The following STK31 variants were observed in gnomAD, a reference collection of about 807,000 sequenced individuals.
STK31 encodes the protein serine/threonine kinase 31.
In STK31, 89 loss-of-function variants were observed where a neutral mutation model predicts 129.7. The observed-to-expected ratio is 0.69, with a 90% confidence interval of 0.58 to 0.82. The LOEUF is 0.82. STK31 is among the 40% of genes least tolerant of loss of function. STK31 has a pLI of 0.00. For synonymous variants in STK31, 448 were observed against 395.3 expected, an observed-to-expected ratio of 1.13 and a Z score of -1.58; for missense variants, 1,187 against 1,176.4, an observed-to-expected ratio of 1.01 and a Z score of -0.13.
At chr7:23,762,657 G>T in intron 10 of STK31, 144 bp from the exon 11 acceptor site, 1 of 809,276 alleles carries the variant, frequency 1.2e-6, no homozygotes, top group Non-Finnish European at 1.8e-6. Context: ...TTGTCATTTT[G>T]TTGATCTAAG....
At chr7:23,723,482 T>C (rs1786852281) in intron 4 of STK31, among the ~76,000 whole-genome samples, 1 of 152,188 alleles carries the variant, frequency 6.6e-6, no homozygotes, top group African/African-American at 2.4e-5. Context: ...AATATTGTTA[T>C]AAATTAAGAC....
Position 23,754,315 on chromosome 7 carries a change from G to T in STK31, c.1134G>T (p.Arg378Ser), listed in dbSNP as rs752895588. ...TTCTTTTTGATGTTTTTAAAAATAGGCATGTCGACATCAGTGTCCGTTTCG... is the reference window on the plus strand; with the variant it reads ...TTCTTTTTGATGTTTTTAAAAATAGTCATGTCGACATCAGTGTCCGTTTCG... ...AAKMEILKEMRHVDISVRFGK... is the reference protein window; with the variant it reads ...AAKMEILKEMSHVDISVRFGK... The change falls in exon 10 of 24, where the codon AGG (arginine) becomes AGT (serine). Residue 378 changes from arginine (R) to serine (S), a missense_variant and splice_region_variant. This residue lies in a region of STK31 where 975 missense variants were observed against 934.9 expected (regional missense o/e 1.04). Coordinates refer to ENST00000355870, the MANE Select transcript of STK31 (RefSeq NM_031414.5). 6 of 1,600,466 alleles carry T rather than the reference G, an allele frequency of 3.7e-6. No homozygotes were observed. In the Admixed American group the frequency reaches 9.0e-5, roughly 24 times the overall value.
rs368686772 is a variant in STK31 at position 23,781,607 on chromosome 7, C to T, written c.2067+87C>T. The stretch of plus-strand genomic sequence containing the variant: ...CCCGTTTTATGAAGTGGACTGTAAT[C>T]ACAAGGCTAGAGGTATTATATAGAA... On this transcript the variant is annotated intron_variant, in intron 16 of 23. Coordinates refer to ENST00000355870, the MANE Select transcript of STK31 (RefSeq NM_031414.5). The T allele has an allele frequency of 1.8e-4, 162 of 912,182 alleles. 1 individual carries two copies. The Middle Eastern group carries it at 8.0e-3, about 45-fold the overall frequency. The allele number at this position is 912,182 out of a possible 1,614,324, so 56.5% of individuals were successfully genotyped here.
chr7:23,776,815 A>G lies in STK31; in HGVS notation c.1965+4537A>G, dbSNP rs145605069. ...TTTTTGAAGGGTTTTTCATGTCTCT[A>G]TCTCCTCCAGTTCTGCCCTGATCTT... On this transcript the variant is annotated intron_variant, in intron 15 of 23. Coordinates refer to ENST00000355870, the MANE Select transcript of STK31 (RefSeq NM_031414.5). Among the ~76,000 whole-genome samples the G allele has an allele frequency of 2.3e-3, 344 of 151,886 alleles. 2 individuals are homozygous for G. The highest frequency in any genetic ancestry group is 7.8e-3 in the African/African-American group (324 of 41,410).
chr7:23,757,396 C>T lies in STK31; in HGVS notation c.1293+2922C>T, dbSNP rs545285224. On this transcript the variant is annotated intron_variant, in intron 10 of 23. Coordinates refer to ENST00000355870, the MANE Select transcript of STK31 (RefSeq NM_031414.5). ...CTGAGTTCCCTCAGTATTTATTGAT[C>T]ATTATCTCTACCATCTCGGAGAGGG... 3.9e-5 allele frequency among the ~76,000 whole-genome samples: 6 copies of T among 152,224 alleles called. No individual in the cohort carries two copies. The South Asian group carries it at 1.2e-3, about 32-fold the overall frequency.
intron 15 of STK31, among the ~76,000 whole-genome samples, 186 bp from the exon 16 acceptor site, chr7:23,781,233 A>T (rs1000754720): frequency 6.6e-6 from 1 of 152,204 alleles, no homozygotes; most frequent in Non-Finnish European, 1.5e-5. Context: ...TCTAGGTTTC[A>T]GAAAAGTCAT....
At chr7:23,750,487 T>G (rs1788647186) in intron 8 of STK31, among the ~76,000 whole-genome samples, 1 of 152,224 alleles carries the variant, frequency 6.6e-6, no homozygotes, top group Admixed American at 6.5e-5. Flanking sequence ...GCTCCTTACA[T>G]GTGAAACCAA....
Position 23,783,636 on chromosome 7 carries a change from T to A in STK31, c.2121T>A (p.His707Gln), listed in dbSNP as rs1791073404. ...GGTTCCCTGAGCTGCCTCTGCTTCA[T>A]CCTGAAATAGGATTACTCAAATACA... ...QKWFPELPLL[H>Q]PEIGLLKYMN... The change falls in exon 17 of 24, where the codon CAT becomes CAA. Residue 707 changes from histidine (H) to glutamine (Q), a missense_variant. Coordinates refer to ENST00000355870, the MANE Select transcript of STK31 (RefSeq NM_031414.5). 1.2e-6 allele frequency: 2 copies of A among 1,612,354 alleles called. No homozygotes were observed. Among genetic ancestry groups the A allele is most frequent in the African/African-American group, 2.7e-5 (2 of 75,024 alleles).
At chr7:23,778,981 T>C (rs540976513) in intron 15 of STK31, among the ~76,000 whole-genome samples, 97 of 152,312 alleles carry the variant, frequency 6.4e-4, no homozygotes, top group African/African-American at 2.2e-3. Context: ...TTATCTACCT[T>C]TGGTCTTTGA....
intron 23 of STK31, among the ~76,000 whole-genome samples, chr7:23,828,319 G>C (rs979311029): frequency 6.6e-6 from 1 of 152,362 alleles, no homozygotes; most frequent in East Asian, 1.9e-4. Flanking sequence ...CAGCCTCGCT[G>C]CCGCCTTGCA....
intron 4 of STK31, among the ~76,000 whole-genome samples, chr7:23,719,499 G>A (rs1287702354): frequency 2.6e-5 from 4 of 152,056 alleles, no homozygotes; most frequent in Non-Finnish European, 5.9e-5. Context: ...TGGTCACCAG[G>A]AATTCAAGAT....
chr7:23,721,807 T>C (rs1473588441), intron 4 of STK31: 9 of 595,918 alleles, frequency 1.5e-5, no homozygotes, highest in Non-Finnish European at 2.8e-5. Flanking sequence ...TCTACAGGCA[T>C]GATCCTCTAC....
At position 23,804,003 on chromosome 7, in the gene STK31, T is replaced by A. The variant is rs575870087; in HGVS notation, c.2761-11141T>A. ...ATGTTACATTGAAAAAGAATTGTGT[T>A]TCTGTGTGTGTTGAGGAGTACTGCT... On this transcript the variant is annotated intron_variant, in intron 22 of 23. Coordinates refer to ENST00000355870, the MANE Select transcript of STK31 (RefSeq NM_031414.5). Among the ~76,000 whole-genome samples the A allele has an allele frequency of 9.8e-5, 15 of 152,332 alleles. No homozygotes were observed. The East Asian group carries it at 2.9e-3, about 29-fold the overall frequency.
At chr7:23,710,363 A>T in intron 1 of STK31, 28 bp downstream of exon 1, 1 of 1,613,394 alleles carries the variant, frequency 6.2e-7, no homozygotes, top group South Asian at 1.1e-5. Context: ...TGGTACGTGC[A>T]GTGGTGGCCG....
chr7:23,718,575 C>G (rs532694097), intron 4 of STK31, among the ~76,000 whole-genome samples: 1 of 152,202 alleles, frequency 6.6e-6, no homozygotes, highest in East Asian at 1.9e-4. Flanking sequence ...TATGTCTGTT[C>G]TTAAATCATG....
At chr7:23,736,546 A>G (rs1009687099) in intron 7 of STK31, among the ~76,000 whole-genome samples, 1 of 33,770 alleles carries the variant, frequency 3.0e-5, no homozygotes, top group African/African-American at 1.1e-4. Context: ...GAGGCGGTGG[A>G]CGGGGGGATC....
intron 8 of STK31, among the ~76,000 whole-genome samples, chr7:23,737,620 C>G (rs1475511182): frequency 1.3e-5 from 2 of 152,144 alleles, no homozygotes; most frequent in Non-Finnish European, 2.9e-5. Context: ...CATATTGTGT[C>G]ATGAATGCCA....
At chr7:23,774,944 A>C (rs895938224) in intron 15 of STK31, among the ~76,000 whole-genome samples, 2 of 152,160 alleles carry the variant, frequency 1.3e-5, no homozygotes, top group East Asian at 3.8e-4. Flanking sequence ...ACCTTGAATT[A>C]ATTTTTGTAT....
In STK31 at chr7:23,814,169, T is replaced by TGG. The variant is rs1198407949; in HGVS notation, c.2761-973_2761-972dup. Among the ~76,000 whole-genome samples the TGG allele has an allele frequency of 2.7e-5, 4 of 150,176 alleles. No homozygotes were observed. In the East Asian group the frequency reaches 7.8e-4, roughly 29 times the overall value. On this transcript the variant is annotated intron_variant, in intron 22 of 23. Coordinates refer to ENST00000355870, the MANE Select transcript of STK31 (RefSeq NM_031414.5). The stretch of plus-strand genomic sequence containing the variant: ...CACTTATTTTTTTTTTTTTTTCAGT[T>TGG]GGGAGGGTTATAAGACAACCTGTTA...
Sources: gnomAD v4.1 joint callset for allele counts (sites outside exome capture counted in the v4.1 genomes callset) on GRCh38, gnomAD v4.1.1 for gene constraint, gnomAD v4.1.1 regional missense constraint, MANE v1.5 for transcripts, NCBI Gene and HGNC (gene_info 2026-07-23, HGNC 2026-07-21) for gene names.